The following MDGA2 variants were observed in gnomAD, a reference collection of about 807,000 sequenced individuals.
MDGA2 encodes MAM domain containing glycosylphosphatidylinositol anchor 2.
In MDGA2, 40 loss-of-function variants were observed where a neutral mutation model predicts 117.8. The ratio of observed to expected loss-of-function variants is 0.34; its 90% CI spans 0.26 to 0.44. The LOEUF is 0.44. Among genes scored for constraint, MDGA2 ranks in the 20% least tolerant of loss-of-function variants. The pLI is 1.00. For synonymous variants in MDGA2, 452 were observed against 439.0 expected (o/e 1.03, Z -0.37); for missense variants, 1,123 against 1,250.6 (o/e 0.90, Z 1.54).
chr14:47,126,679 TGGAAACAGTA>T (rs1473548716), intron 5 of MDGA2, among the ~76,000 whole-genome samples: 1 of 152,120 alleles, frequency 6.6e-6, no homozygotes, highest in Non-Finnish European at 1.5e-5. Flanking sequence ...AATGGGCTCA[TGGAAACAGTA>T]GGATAACAAG....
intron 2 of MDGA2, among the ~76,000 whole-genome samples, chr14:47,240,835 G>A (rs1348239332): frequency 6.6e-6 from 1 of 151,826 alleles, no homozygotes; most frequent in Admixed American, 6.6e-5. Flanking sequence ...TCTCTTGAAA[G>A]CAAATACCTC....
At chr14:47,237,375 C>T (rs779901548) in intron 2 of MDGA2, among the ~76,000 whole-genome samples, 1 of 152,106 alleles carries the variant, frequency 6.6e-6, no homozygotes, top group African/African-American at 2.4e-5. Context: ...TGCAAACTTA[C>T]CTTTATACCT....
At chr14:47,604,559 G>A (rs1033697009) in intron 1 of MDGA2, among the ~76,000 whole-genome samples, 31 of 140,928 alleles carry the variant, frequency 2.2e-4, no homozygotes, top group African/African-American at 8.3e-4. Flanking sequence ...CAAACTCCTG[G>A]CTTCAAGTGA....
chr14:46,972,514 T>C (rs1267223429), intron 8 of MDGA2, among the ~76,000 whole-genome samples: 8 of 152,276 alleles, frequency 5.3e-5, no homozygotes, highest in Non-Finnish European at 1.0e-4. Flanking sequence ...CATTTAATAT[T>C]TATAACAAAT....
intron 1 of MDGA2, among the ~76,000 whole-genome samples, chr14:47,321,186 A>T (rs923723829): frequency 6.6e-6 from 1 of 152,158 alleles, no homozygotes; most frequent in African/African-American, 2.4e-5. Flanking sequence ...CACACACACA[A>T]AAGTGACTCT....
At chr14:46,902,725 T>C (rs1259146095) in intron 10 of MDGA2, among the ~76,000 whole-genome samples, 1 of 152,202 alleles carries the variant, frequency 6.6e-6, no homozygotes, top group African/African-American at 2.4e-5. Flanking sequence ...CACTCTCAAG[T>C]AATAATGTCT....
chr14:46,924,872 C>A (rs544048446), intron 9 of MDGA2, among the ~76,000 whole-genome samples: 2 of 151,912 alleles, frequency 1.3e-5, no homozygotes, highest in Admixed American at 6.6e-5. Flanking sequence ...TGAAAACAAG[C>A]CATTTAATAA....
chr14:47,640,462 G>T (rs991862343), intron 1 of MDGA2, among the ~76,000 whole-genome samples: 42 of 152,130 alleles, frequency 2.8e-4, no homozygotes, highest in African/African-American at 8.2e-4. Flanking sequence ...TATTGTTGTG[G>T]TTGTTGGCTT....
At chr14:47,224,330 T>TAGATATAGATATAGATATAGATATAGA (rs1566688963) in intron 2 of MDGA2, among the ~76,000 whole-genome samples, 3 of 151,834 alleles carry the variant, frequency 2.0e-5, no homozygotes, top group Non-Finnish European at 2.9e-5. Flanking sequence ...GATATAGATA[T>TAGATATAGATATAGATATAGATATAGA]TTCCTGAAAC....
At chr14:47,594,869 G>T (rs958898618) in intron 1 of MDGA2, among the ~76,000 whole-genome samples, 1 of 152,084 alleles carries the variant, frequency 6.6e-6, no homozygotes, top group Non-Finnish European at 1.5e-5. Context: ...TAGCACAATG[G>T]GTAAGAAAGA....
chr14:47,152,936 ATAGAG>A (rs1444537971), intron 3 of MDGA2, among the ~76,000 whole-genome samples: 1 of 152,230 alleles, frequency 6.6e-6, no homozygotes, highest in Non-Finnish European at 1.5e-5. Context: ...CTTCACAAGT[ATAGAG>A]TAATGTATAC....
intron 1 of MDGA2, among the ~76,000 whole-genome samples, chr14:47,610,992 G>A (rs1033852877): frequency 2.0e-5 from 3 of 152,146 alleles, no homozygotes; most frequent in Admixed American, 1.3e-4. Flanking sequence ...AAACAGCATG[G>A]TACTGGTATA....
intron 1 of MDGA2, chr14:47,306,170 C>A (rs1383822690): frequency 1.3e-5 from 2 of 152,122 alleles, no homozygotes; most frequent in Non-Finnish European, 2.9e-5. Context: ...AGGAGAGATG[C>A]ATTTTAGAGG....
chr14:47,180,933 CA>C (rs1884676935), intron 3 of MDGA2, among the ~76,000 whole-genome samples: 1 of 151,912 alleles, frequency 6.6e-6, no homozygotes, highest in East Asian at 1.9e-4. Flanking sequence ...AACAAACAAA[CA>C]AAAAAATAAA....
chr14:47,302,206 T>C (rs941422515), intron 1 of MDGA2, among the ~76,000 whole-genome samples: 5 of 152,164 alleles, frequency 3.3e-5, no homozygotes, highest in Non-Finnish European at 7.4e-5. Flanking sequence ...AATTTCTAAA[T>C]ATAATTTTCT....
chr14:47,549,016 C>G (rs1319519256), intron 1 of MDGA2, among the ~76,000 whole-genome samples: 4 of 152,006 alleles, frequency 2.6e-5, no homozygotes, highest in African/African-American at 7.2e-5. Context: ...AAACATAGAA[C>G]TTGTGAATGG....
chr14:47,574,739 A>G (rs1896085213), intron 1 of MDGA2, among the ~76,000 whole-genome samples: 1 of 152,172 alleles, frequency 6.6e-6, no homozygotes, highest in African/African-American at 2.4e-5. Flanking sequence ...TAACCTGAAC[A>G]CCAACACTGT....
intron 1 of MDGA2, among the ~76,000 whole-genome samples, chr14:47,441,915 T>G (rs547040890): frequency 1.3e-5 from 2 of 152,300 alleles, no homozygotes; most frequent in Non-Finnish European, 2.9e-5. Flanking sequence ...GCACACATTC[T>G]GTGCAACAGA....
chr14:47,249,768 A>G (rs73251628), intron 2 of MDGA2, among the ~76,000 whole-genome samples: 6,740 of 152,284 alleles, frequency 0.044, 162 homozygotes, highest in African/African-American at 0.064. Flanking sequence ...AATAAGCTGA[A>G]GTCCTACGGA....
Sources: gnomAD v4.1 joint callset for allele counts (sites outside exome capture counted in the v4.1 genomes callset) on GRCh38, gnomAD v4.1.1 for gene constraint, MANE v1.5 for transcripts, NCBI Gene and HGNC (gene_info 2026-07-23, HGNC 2026-07-21) for gene names.